The following CSMD1 variants were observed in gnomAD, a reference collection of about 807,000 sequenced individuals.
The protein encoded by CSMD1 is CUB and sushi domain-containing protein 1.
Under a neutral mutation model 417.5 loss-of-function variants are expected in CSMD1, and 213 were observed. The observed-to-expected ratio is 0.51, with a 90% confidence interval of 0.46 to 0.57. CSMD1 has a LOEUF of 0.57. Among genes scored for constraint, CSMD1 ranks in the 20% least tolerant of loss-of-function variants. The pLI is 0.00. For missense variants in CSMD1, 6,923 were observed against 4,529.7 expected, an observed-to-expected ratio of 1.53 and a Z score of -15.17; for synonymous variants, 2,862 against 1,736.8, an observed-to-expected ratio of 1.65 and a Z score of -16.11.
intron 1 of CSMD1, among the ~76,000 whole-genome samples, chr8:4,817,813 C>A (rs1304555985): frequency 6.6e-6 from 1 of 152,070 alleles, no homozygotes; most frequent in Non-Finnish European, 1.5e-5. Flanking sequence ...TATATAAGTG[C>A]AGGGAGCTTG....
chr8:3,814,140 C>T (rs1160279910), intron 5 of CSMD1, among the ~76,000 whole-genome samples: 1 of 152,188 alleles, frequency 6.6e-6, no homozygotes, highest in Non-Finnish European at 1.5e-5. Flanking sequence ...ACCAGCTCAG[C>T]CCCAGATTCT....
Position 2,962,649 on chromosome 8 carries a change from AT to A in CSMD1, c.9455-11del. ...TCTCCGCAGAACACAGCTATGGAAG[AT>A]AACCAGGAAGAAGTCAGCCTTCAAC... On this transcript the variant is annotated splice_polypyrimidine_tract_variant and intron_variant, in intron 60 of 69. Transcript: ENST00000635120. The A allele has an allele frequency of 6.2e-7, 1 of 1,611,594 alleles. No individual in the cohort carries two copies. Among genetic ancestry groups the A allele is most frequent in the Non-Finnish European group, 8.5e-7 (1 of 1,178,444 alleles).
intron 12 of CSMD1, among the ~76,000 whole-genome samples, chr8:3,446,008 A>G (rs1250920824): frequency 1.7e-4 from 26 of 152,196 alleles, no homozygotes; most frequent in Admixed American, 1.6e-3. Context: ...ATGGAAAGTC[A>G]AAAATACTGT....
At chr8:4,271,620 G>A (rs1197222637) in intron 3 of CSMD1, among the ~76,000 whole-genome samples, 2 of 151,156 alleles carry the variant, frequency 1.3e-5, no homozygotes, top group East Asian at 3.9e-4. Flanking sequence ...TAGCTCTTTT[G>A]CAGCAGCTTT....
At position 3,495,230 on chromosome 8, in the gene CSMD1, T is replaced by A. The variant is rs543768495; in HGVS notation, c.1345-1504A>T. ...ACTTTTTGTTTCTCATGAACCAATT[T>A]ATAAGTGACCATCATCTGATAATCA... On this transcript the variant is annotated intron_variant, in intron 10 of 69. Coordinates refer to ENST00000635120, the MANE Select transcript of CSMD1 (RefSeq NM_033225.6). 9.2e-5 allele frequency among the ~76,000 whole-genome samples: 14 copies of A among 152,346 alleles called. No individual in the cohort carries two copies. In the East Asian group the frequency reaches 2.7e-3, roughly 29 times the overall value.
At chr8:4,514,420 A>C (rs1038448315) in intron 2 of CSMD1, among the ~76,000 whole-genome samples, 7 of 152,162 alleles carry the variant, frequency 4.6e-5, no homozygotes, top group African/African-American at 1.7e-4. Flanking sequence ...TAGAAGGCAG[A>C]TCTGAATGCC....
intron 12 of CSMD1, among the ~76,000 whole-genome samples, chr8:3,439,543 T>C (rs934899108): frequency 1.3e-5 from 2 of 150,472 alleles, no homozygotes; most frequent in African/African-American, 4.9e-5. Flanking sequence ...TCTTAAGAGT[T>C]CTTTATGAGT....
chr8:3,541,387 G>A (rs1798431819), intron 10 of CSMD1, among the ~76,000 whole-genome samples: 2 of 152,094 alleles, frequency 1.3e-5, no homozygotes, highest in Non-Finnish European at 1.5e-5. Context: ...GGGGAGCTGG[G>A]GAGGGAGAGC....
At chr8:4,069,346 A>G (rs1385933992) in intron 3 of CSMD1, among the ~76,000 whole-genome samples, 1 of 152,230 alleles carries the variant, frequency 6.6e-6, no homozygotes, top group Non-Finnish European at 1.5e-5. Context: ...TCTTATCTAC[A>G]GGTAGTTGAA....
At chr8:4,444,099 T>C (rs985616910) in intron 2 of CSMD1, among the ~76,000 whole-genome samples, 8 of 151,910 alleles carry the variant, frequency 5.3e-5, no homozygotes, top group African/African-American at 1.9e-4. Context: ...CCCAGCACTT[T>C]GGGAGGTCGA....
chr8:3,083,577 G>A (rs1814262293), intron 49 of CSMD1, among the ~76,000 whole-genome samples: 1 of 116,184 alleles, frequency 8.6e-6, no homozygotes, highest in Non-Finnish European at 1.6e-5. Flanking sequence ...TCCAGGTCAT[G>A]CTCTCCATCC....
intron 10 of CSMD1, among the ~76,000 whole-genome samples, chr8:3,521,655 G>A (rs1797513813): frequency 6.6e-6 from 1 of 152,198 alleles, no homozygotes; most frequent in South Asian, 2.1e-4. Flanking sequence ...GGATTAAACA[G>A]TAAATGTTAT....
chr8:4,114,441 A>C (rs754996766), intron 3 of CSMD1, among the ~76,000 whole-genome samples: 3 of 152,232 alleles, frequency 2.0e-5, no homozygotes, highest in Non-Finnish European at 4.4e-5. Flanking sequence ...GTGGTTACGG[A>C]AGAGCTTGGA....
chr8:3,542,979 C>G (rs958688976), intron 10 of CSMD1, among the ~76,000 whole-genome samples: 8 of 152,164 alleles, frequency 5.3e-5, no homozygotes, highest in Non-Finnish European at 7.3e-5. Context: ...TCCTCTTCCT[C>G]CCTGCTGCCC....
chr8:3,015,157 T>C (rs951072995), intron 52 of CSMD1, among the ~76,000 whole-genome samples: 1 of 151,964 alleles, frequency 6.6e-6, no homozygotes, highest in Non-Finnish European at 1.5e-5. Flanking sequence ...AAGAATGAAT[T>C]TGGTTCTTGT....
rs541512155 is a variant in CSMD1 at position 3,092,132 on chromosome 8, T to C, written c.7139-470A>G. ...CACATGTACGCAAGTATTATTTATA[T>C]AGTGAACATGTGTATTCTAACACTA... On this transcript the variant is annotated intron_variant, in intron 47 of 69. Coordinates refer to ENST00000635120, the MANE Select transcript of CSMD1 (RefSeq NM_033225.6). 6.6e-5 allele frequency among the ~76,000 whole-genome samples: 10 copies of C among 152,280 alleles called. No individual in the cohort carries two copies. In the South Asian group the frequency reaches 1.0e-3, roughly 16 times the overall value.
chr8:4,063,185 T>C (rs1799070233), intron 3 of CSMD1, among the ~76,000 whole-genome samples: 1 of 152,124 alleles, frequency 6.6e-6, no homozygotes, highest in East Asian at 1.9e-4. Flanking sequence ...GTAATGGATA[T>C]CATAATTATC....
At chr8:4,215,239 G>C (rs1800593572) in intron 3 of CSMD1, among the ~76,000 whole-genome samples, 1 of 152,192 alleles carries the variant, frequency 6.6e-6, no homozygotes, top group Non-Finnish European at 1.5e-5. Context: ...CTTGATCAGA[G>C]ATGTGCTTTT....
intron 1 of CSMD1, among the ~76,000 whole-genome samples, chr8:4,845,197 A>C (rs184149531): frequency 2.1e-4 from 32 of 152,316 alleles, no homozygotes; most frequent in African/African-American, 7.5e-4. Context: ...TTATTACACA[A>C]ATATTTTTAA....
Sources: gnomAD v4.1 joint callset for allele counts (sites outside exome capture counted in the v4.1 genomes callset) on GRCh38, gnomAD v4.1.1 for gene constraint, MANE v1.5 for transcripts, NCBI Gene and HGNC (gene_info 2026-07-23, HGNC 2026-07-21) for gene names.